JKAMP: variants seen among roughly 807,000 people sequenced by gnomAD.
JKAMP encodes the protein JNK1/MAPK8-associated membrane protein.
A neutral mutation model predicts 40.2 loss-of-function variants in JKAMP; 20 were observed. That is an observed-to-expected ratio of 0.50 (90% confidence interval 0.35 to 0.72). The LOEUF (loss-of-function observed/expected upper bound fraction) is 0.72, where lower values mean the gene tolerates loss of function less well. Ranked by LOEUF, JKAMP falls within the 30% of genes least tolerant of loss-of-function variation. JKAMP has a pLI of 0.01. For synonymous variants in JKAMP, 138 were observed against 131.6 expected (o/e 1.05, Z -0.33); for missense variants, 276 against 373.0 (o/e 0.74, Z 2.14).
At chr14:59,499,485 T>G (rs1891710614) in intron 5 of JKAMP, among the ~76,000 whole-genome samples, 1 of 152,236 alleles carries the variant, frequency 6.6e-6, no homozygotes, top group African/African-American at 2.4e-5. Flanking sequence ...TTTATTTTAA[T>G]GTAACCATTA....
intron 3 of JKAMP, among the ~76,000 whole-genome samples, chr14:59,492,285 TG>T (rs2139876168): frequency 6.6e-6 from 1 of 152,192 alleles, no homozygotes; most frequent in South Asian, 2.1e-4. Context: ...ATTAAACAGT[TG>T]AAGATAGAAT....
rs1023968718 is a variant in JKAMP at position 59,486,869 on chromosome 14, A to G, written c.96+65A>G. The G allele has an allele frequency of 2.7e-6, 3 of 1,125,736 alleles. No homozygotes were observed. In the East Asian group the frequency reaches 7.7e-5, roughly 29 times the overall value. The allele number at this position is 1,125,736 out of a possible 1,614,324, so 69.7% of individuals were successfully genotyped here. ...CTATTTGCTTTTGAAATATTTTCACATACAACATTTTTTGTTATTATACTC... is the reference window on the plus strand; with the variant it reads ...CTATTTGCTTTTGAAATATTTTCACGTACAACATTTTTTGTTATTATACTC... On this transcript the variant is annotated intron_variant, in intron 2 of 6. Transcript: ENST00000616435.
At position 59,505,338 on chromosome 14, in the gene JKAMP, T is replaced by C. The variant is rs1892281238; in HGVS notation, c.*1266T>C. 2.2e-6 allele frequency: 3 copies of C among 1,344,352 alleles called. No individual in the cohort carries two copies. Among genetic ancestry groups the C allele is most frequent in the Non-Finnish European group, 1.0e-6 (1 of 1,000,264 alleles). 83.3% of individuals were successfully genotyped at this position (1,344,352 alleles called of 1,614,324 possible). On this transcript the variant is annotated 3_prime_UTR_variant, in exon 7 of 7. Coordinates refer to ENST00000616435, the MANE Select transcript of JKAMP (RefSeq NM_016475.5). ...TCTCTGTAGGAATAAAAAATAAATA[T>C]AAAAATTTTATTTGTATTGCACACA...
In JKAMP at chr14:59,503,845, AT is replaced by A; in HGVS notation, c.718-7del. The A allele has an allele frequency of 6.3e-7, 1 of 1,582,654 alleles. No individual in the cohort carries two copies. Among genetic ancestry groups the A allele is most frequent in the Non-Finnish European group, 8.7e-7 (1 of 1,154,580 alleles). ...ATTTCTCTTTTCTTTCTTTTACAAA[AT>A]TATATAGAACTGCTATGATCTTCTG... On this transcript the variant is annotated splice_polypyrimidine_tract_variant and splice_region_variant and intron_variant, in intron 6 of 6. Coordinates refer to ENST00000616435, the MANE Select transcript of JKAMP (RefSeq NM_016475.5).
intron 1 of JKAMP, chr14:59,485,358 T>C: frequency 2.4e-6 from 1 of 413,348 alleles, no homozygotes; most frequent in South Asian, 5.0e-5. Flanking sequence ...TAAGCGCCCA[T>C]TAAAGAGGCC....
intron 1 of JKAMP, 79 bp downstream of exon 1, chr14:59,484,672 T>C (rs1220731242): frequency 1.3e-6 from 2 of 1,508,522 alleles, no homozygotes; most frequent in East Asian, 4.9e-5. Context: ...CGGGCTCGGC[T>C]CTTTGTAGGC....
chr14:59,486,392 T>C (rs572572218), intron 1 of JKAMP, among the ~76,000 whole-genome samples: 1 of 152,346 alleles, frequency 6.6e-6, no homozygotes, highest in Admixed American at 6.5e-5. Context: ...TATGTATATT[T>C]GAACTTTATA....
chr14:59,485,011 G>C (rs1424421611), intron 1 of JKAMP: 4 of 1,596,598 alleles, frequency 2.5e-6, no homozygotes, highest in Non-Finnish European at 3.4e-6. Flanking sequence ...CCGTCACAAA[G>C]GGCAGGACCG....
chr14:59,494,198 G>GA (rs897154611), intron 3 of JKAMP, among the ~76,000 whole-genome samples: 1 of 149,574 alleles, frequency 6.7e-6, no homozygotes, highest in African/African-American at 2.5e-5. Flanking sequence ...CTGCTAAGTA[G>GA]AAAAAAAAAT....
intron 6 of JKAMP, among the ~76,000 whole-genome samples, chr14:59,502,773 T>TTTTTGTTTTTTTTTTTTTTTTTTTTG (rs796697193): frequency 1.9e-5 from 2 of 102,836 alleles, no homozygotes; most frequent in African/African-American, 7.8e-5. Flanking sequence ...TTTTTTTTTT[T>TTTTTGTTTTTTTTTTTTTTTTTTTTG]CGGAGTCTCA....
chr14:59,491,894 A>C (rs1891043119), intron 3 of JKAMP, among the ~76,000 whole-genome samples: 1 of 152,228 alleles, frequency 6.6e-6, no homozygotes, highest in South Asian at 2.1e-4. Context: ...CCTGAAGCCT[A>C]AGGTAGTAGT....
At chr14:59,484,731 G>C in intron 1 of JKAMP, 138 bp downstream of exon 1, 3 of 1,159,618 alleles carry the variant, frequency 2.6e-6, no homozygotes, top group South Asian at 2.7e-5. Context: ...GCCCGCCCTC[G>C]GGCCGGGCTC....
In JKAMP at chr14:59,503,837, T is replaced by G; in HGVS notation, c.718-17T>G. The G allele has an allele frequency of 6.5e-7, 1 of 1,549,756 alleles. No homozygotes were observed. Among genetic ancestry groups the G allele is most frequent in the African/African-American group, 1.4e-5 (1 of 73,416 alleles). On this transcript the variant is annotated splice_polypyrimidine_tract_variant and intron_variant, in intron 6 of 6. Coordinates refer to ENST00000616435, the MANE Select transcript of JKAMP (RefSeq NM_016475.5). ...TAATCTGTATTTCTCTTTTCTTTCT[T>G]TTACAAAATTATATAGAACTGCTAT...
chr14:59,505,228 G>A lies in JKAMP; in HGVS notation c.*1156G>A, dbSNP rs2139930208. On this transcript the variant is annotated 3_prime_UTR_variant, in exon 7 of 7. Coordinates refer to ENST00000616435, the MANE Select transcript of JKAMP (RefSeq NM_016475.5). Reference sequence around the variant, plus strand: ...TCTGTCTTTTGAATTCACAGCAGTTGTATCCTTGAGTTACTTTGTTAATGT... The same window carrying A: ...TCTGTCTTTTGAATTCACAGCAGTTATATCCTTGAGTTACTTTGTTAATGT... 7.1e-7 allele frequency: 1 copy of A among 1,409,648 alleles called. No individual in the cohort carries two copies. Among genetic ancestry groups the A allele is most frequent in the Non-Finnish European group, 9.5e-7 (1 of 1,047,504 alleles). 87.3% of individuals were successfully genotyped at this position (1,409,648 alleles called of 1,614,324 possible).
intron 3 of JKAMP, among the ~76,000 whole-genome samples, chr14:59,490,863 A>G (rs1248761391): frequency 6.6e-6 from 1 of 152,236 alleles, no homozygotes; most frequent in Non-Finnish European, 1.5e-5. Flanking sequence ...GCTAACAGGC[A>G]TAGGTATGTC....
intron 4 of JKAMP, among the ~76,000 whole-genome samples, chr14:59,497,817 A>T (rs973848696): frequency 6.6e-6 from 1 of 152,212 alleles, no homozygotes; most frequent in African/African-American, 2.4e-5. Context: ...GGATTATGGT[A>T]TCATGATGCT....
rs755958108 is a variant in JKAMP at position 59,485,118 on chromosome 14, T to G, written c.4+525T>G. ...CGCTTGGAGCCTGGGTTTTGCTTAG[T>G]AAGTGATAGGCTGTTTATTTCAGTT... On this transcript the variant is annotated intron_variant, in intron 1 of 6. Coordinates refer to ENST00000616435, the MANE Select transcript of JKAMP (RefSeq NM_016475.5). 6.9e-6 allele frequency: 11 copies of G among 1,598,324 alleles called. No homozygotes were observed. The African/African-American group carries it at 1.5e-4, about 21-fold the overall frequency.
At chr14:59,498,651 T>C in intron 4 of JKAMP, 76 bp from the exon 5 acceptor site, 1 of 829,254 alleles carries the variant, frequency 1.2e-6, no homozygotes, top group African/African-American at 1.8e-5. Flanking sequence ...TTAGGCTCTT[T>C]CATTTAAAAA....
intron 5 of JKAMP, 49 bp from the exon 6 acceptor site, chr14:59,501,142 T>A (rs750124157): frequency 8.7e-7 from 1 of 1,145,890 alleles, no homozygotes; most frequent in Non-Finnish European, 1.3e-6. Flanking sequence ...GATGGTTTAT[T>A]GAGAAAATTT....
Sources: gnomAD v4.1 joint callset for allele counts (sites outside exome capture counted in the v4.1 genomes callset) on GRCh38, gnomAD v4.1.1 for gene constraint, MANE v1.5 for transcripts, NCBI Gene and HGNC (gene_info 2026-07-23, HGNC 2026-07-21) for gene names.